CNTN1: variants seen among roughly 807,000 people sequenced by gnomAD.
The protein encoded by CNTN1 is contactin 1.
Under a neutral mutation model 126.4 loss-of-function variants are expected in CNTN1, and 38 were observed. The ratio of observed to expected loss-of-function variants is 0.30; its 90% CI spans 0.23 to 0.39. CNTN1 has a LOEUF of 0.39. CNTN1 is among the 10% of genes least tolerant of loss of function. The pLI, the probability that CNTN1 is intolerant of heterozygous loss-of-function variation, is 1.00. For missense variants in CNTN1, 1,009 were observed against 1,248.4 expected (o/e 0.81, Z 2.89); for synonymous variants, 413 against 422.6 (o/e 0.98, Z 0.28).
At chr12:40,742,765 TA>T in intron 1 of CNTN1, among the ~76,000 whole-genome samples, 1 of 152,194 alleles carries the variant, frequency 6.6e-6, no homozygotes, top group Non-Finnish European at 1.5e-5. Context: ...TTTCAGTCCT[TA>T]AAAAGTGATT....
chr12:40,704,238 T>A (rs1407900106), intron 1 of CNTN1, among the ~76,000 whole-genome samples: 1 of 152,142 alleles, frequency 6.6e-6, no homozygotes, highest in Non-Finnish European at 1.5e-5. Flanking sequence ...AGACACTAGC[T>A]ATGAAAGGGC....
chr12:40,758,091 G>GGCACC lies in CNTN1; in HGVS notation c.-77+65499_-77+65500insGCACC, dbSNP rs1245447606. Among the ~76,000 whole-genome samples the GGCACC allele has an allele frequency of 1.1e-4, 16 of 150,780 alleles. No homozygotes were observed. In the East Asian group the frequency reaches 2.1e-3, roughly 20 times the overall value. Reference sequence around the variant, plus strand: ...TTACACTTTAATTTGGTGCCTTAGAGAAAGAAATTTTTTCCACATTGTAGA... The same window carrying GGCACC: ...TTACACTTTAATTTGGTGCCTTAGAGGCACCAAAGAAATTTTTTCCACATTGTAGA... On this transcript the variant is annotated intron_variant, in intron 1 of 23. Transcript: ENST00000551295.
At chr12:40,847,975 C>T (rs1324989781) in intron 1 of CNTN1, among the ~76,000 whole-genome samples, 1 of 152,200 alleles carries the variant, frequency 6.6e-6, no homozygotes, top group Non-Finnish European at 1.5e-5. Context: ...AGTTTGCGCT[C>T]CTGTGAGAAT....
chr12:40,968,947 T>G (rs1420101603), intron 15 of CNTN1, among the ~76,000 whole-genome samples: 1 of 152,150 alleles, frequency 6.6e-6, no homozygotes, highest in Non-Finnish European at 1.5e-5. Context: ...CAAAACACTC[T>G]GAGTTATTGA....
At chr12:40,999,032 T>C (rs1948288931) in intron 17 of CNTN1, among the ~76,000 whole-genome samples, 1 of 152,156 alleles carries the variant, frequency 6.6e-6, no homozygotes, top group African/African-American at 2.4e-5. Flanking sequence ...AAATAAAACA[T>C]CAAAGCCCAA....
At chr12:40,915,133 G>A (rs1331232972) in intron 3 of CNTN1, among the ~76,000 whole-genome samples, 1 of 151,880 alleles carries the variant, frequency 6.6e-6, no homozygotes, top group African/African-American at 2.4e-5. Flanking sequence ...TAAATGAAAG[G>A]ATACATTATC....
chr12:40,882,731 A>G (rs1363936797), intron 1 of CNTN1, among the ~76,000 whole-genome samples: 1 of 151,642 alleles, frequency 6.6e-6, no homozygotes, highest in Non-Finnish European at 1.5e-5. Context: ...TAAGCTTAAC[A>G]TGAGTATCAA....
intron 17 of CNTN1, among the ~76,000 whole-genome samples, chr12:41,006,617 G>T (rs1374252212): frequency 6.6e-6 from 1 of 152,220 alleles, no homozygotes; most frequent in African/African-American, 2.4e-5. Flanking sequence ...AAGTTTTCAT[G>T]TAGGTATCTT....
At chr12:40,814,063 T>A (rs1403643339) in intron 1 of CNTN1, among the ~76,000 whole-genome samples, 1 of 152,210 alleles carries the variant, frequency 6.6e-6, no homozygotes, top group Admixed American at 6.5e-5. Context: ...TTCTTGTAAA[T>A]ACGTTTAAGT....
chr12:41,058,986 C>T (rs1949884734), intron 23 of CNTN1, among the ~76,000 whole-genome samples: 1 of 152,082 alleles, frequency 6.6e-6, no homozygotes, highest in African/African-American at 2.4e-5. Context: ...CTTATAAGAA[C>T]TTCATGTGCA....
chr12:40,821,321 T>A (rs1408445527), intron 1 of CNTN1, among the ~76,000 whole-genome samples: 1 of 152,216 alleles, frequency 6.6e-6, no homozygotes, highest in East Asian at 1.9e-4. Flanking sequence ...TGCTGAGATT[T>A]CTTGATTTAA....
At chr12:40,754,804 C>G (rs1389134975) in intron 1 of CNTN1, among the ~76,000 whole-genome samples, 1 of 152,010 alleles carries the variant, frequency 6.6e-6, no homozygotes, top group African/African-American at 2.4e-5. Flanking sequence ...TTCTGTACCT[C>G]TACTCTGTGA....
intron 1 of CNTN1, among the ~76,000 whole-genome samples, chr12:40,757,793 A>G (rs952604077): frequency 2.4e-4 from 36 of 152,310 alleles, no homozygotes; most frequent in Middle Eastern, 3.4e-3. Context: ...CCATTTATCT[A>G]TCTTAAGTTA....
intron 1 of CNTN1, among the ~76,000 whole-genome samples, chr12:40,866,753 C>T (rs988826135): frequency 6.6e-6 from 1 of 152,054 alleles, no homozygotes; most frequent in African/African-American, 2.4e-5. Context: ...GGATCTCACT[C>T]ACCTGTTTAT....
At chr12:40,824,721 A>G (rs1429581876) in intron 1 of CNTN1, among the ~76,000 whole-genome samples, 1 of 152,188 alleles carries the variant, frequency 6.6e-6, no homozygotes, top group Non-Finnish European at 1.5e-5. Flanking sequence ...ATTTAATATC[A>G]AATTTGACAA....
At chr12:40,886,806 A>G (rs1407796471) in intron 1 of CNTN1, among the ~76,000 whole-genome samples, 4 of 152,142 alleles carry the variant, frequency 2.6e-5, no homozygotes, top group Non-Finnish European at 5.9e-5. Context: ...TTTTCCCAGC[A>G]CCATTTATTA....
At chr12:40,807,939 T>G (rs1940918417) in intron 1 of CNTN1, among the ~76,000 whole-genome samples, 1 of 152,196 alleles carries the variant, frequency 6.6e-6, no homozygotes, top group Non-Finnish European at 1.5e-5. Context: ...ATAGCTAACT[T>G]GCATGCCTGT....
intron 1 of CNTN1, among the ~76,000 whole-genome samples, chr12:40,694,468 A>G (rs1273432189): frequency 6.6e-6 from 1 of 152,204 alleles, no homozygotes; most frequent in Admixed American, 6.5e-5. Context: ...TGAAAACTTT[A>G]ATATTCCAAC....
chr12:40,971,485 T>G, intron 15 of CNTN1: 1 of 1,596,950 alleles, frequency 6.3e-7, no homozygotes, highest in Non-Finnish European at 8.5e-7. Flanking sequence ...TTTCTCCCCG[T>G]CTGTGCAAGC....
Sources: allele counts gnomAD v4.1 joint callset (sites outside exome capture counted in the v4.1 genomes callset), GRCh38; gene constraint gnomAD v4.1.1; transcripts MANE v1.5; gene names NCBI Gene and HGNC (gene_info 2026-07-23, HGNC 2026-07-21).